The following CEP112 variants were observed in gnomAD, a reference collection of about 807,000 sequenced individuals.
The protein encoded by CEP112 is centrosomal protein of 112 kDa.
CEP112 carries 127 observed loss-of-function variants against 153.0 expected under a neutral mutation model. That is an observed-to-expected ratio of 0.83 (90% confidence interval 0.72 to 0.96). The LOEUF is 0.96. Among genes scored for constraint, CEP112 ranks in the 40% least tolerant of loss-of-function variants. CEP112 has a pLI of 0.00. For synonymous variants in CEP112, 358 were observed against 374.4 expected (o/e 0.96, Z 0.51); for missense variants, 1,089 against 1,101.2 (o/e 0.99, Z 0.16).
intron 3 of CEP112, 21 bp downstream of exon 3, chr17:66,176,809 C>A: frequency 6.4e-7 from 1 of 1,566,410 alleles, no homozygotes; most frequent in Non-Finnish European, 8.6e-7. Context: ...TAATATATAC[C>A]TTTTGTTCAT....
At chr17:65,740,763 A>G (rs1156841512) in intron 23 of CEP112, among the ~76,000 whole-genome samples, 1 of 152,190 alleles carries the variant, frequency 6.6e-6, no homozygotes, top group Non-Finnish European at 1.5e-5. Context: ...CCAGAAAATC[A>G]AGCCTCATAG....
chr17:65,936,809 CCCCTCT>C (rs1233081092), intron 18 of CEP112, among the ~76,000 whole-genome samples: 1 of 94,728 alleles, frequency 1.1e-5, no homozygotes, highest in Non-Finnish European at 2.1e-5. Flanking sequence ...CCTCCCCCTC[CCCCTCT>C]CCCCACGGTC....
intron 6 of CEP112, among the ~76,000 whole-genome samples, chr17:66,129,333 CTG>C (rs2070016122): frequency 1.3e-5 from 2 of 152,260 alleles, no homozygotes; most frequent in African/African-American, 4.8e-5. Flanking sequence ...CCTCTATAAA[CTG>C]TTTTCCGTAA....
chr17:65,657,016 C>T (rs1455290680), intron 24 of CEP112, among the ~76,000 whole-genome samples: 1 of 152,188 alleles, frequency 6.6e-6, no homozygotes, highest in East Asian at 1.9e-4. Flanking sequence ...AGTAGGCTGG[C>T]TTCAAAGCTG....
intron 21 of CEP112, among the ~76,000 whole-genome samples, chr17:65,821,124 AC>A (rs1248097781): frequency 9.6e-4 from 138 of 143,754 alleles, no homozygotes; most frequent in Non-Finnish European, 1.8e-3. Flanking sequence ...AAAAAAAAAA[AC>A]AAAAAATGTT....
chr17:65,916,078 A>G (rs2060468192), intron 19 of CEP112, among the ~76,000 whole-genome samples: 1 of 152,124 alleles, frequency 6.6e-6, no homozygotes, highest in African/African-American at 2.4e-5. Flanking sequence ...CTTAATTTGA[A>G]TATCATTTCA....
chr17:65,820,575 C>T (rs2056481584), intron 21 of CEP112, among the ~76,000 whole-genome samples: 2 of 152,198 alleles, frequency 1.3e-5, no homozygotes, highest in African/African-American at 2.4e-5. Flanking sequence ...TTTACAGCCT[C>T]TCTGTGAAAT....
intron 21 of CEP112, among the ~76,000 whole-genome samples, chr17:65,772,575 TACAC>T (rs34758953): frequency 0.016 from 2,106 of 133,428 alleles, 40 homozygotes; most frequent in African/African-American, 0.054. Flanking sequence ...CTCTATTTAT[TACAC>T]ACACACACAC....
chr17:65,870,898 G>A (rs1293558246), intron 20 of CEP112, among the ~76,000 whole-genome samples: 1 of 152,216 alleles, frequency 6.6e-6, no homozygotes. Context: ...AGTAATTGGA[G>A]AGAAGGTTTT....
intron 23 of CEP112, among the ~76,000 whole-genome samples, chr17:65,692,842 A>G (rs2048176968): frequency 6.6e-6 from 1 of 152,188 alleles, no homozygotes; most frequent in African/African-American, 2.4e-5. Context: ...TACACAGGTG[A>G]CACTGAATTC....
At chr17:66,169,278 TCTTC>T (rs2072136708) in intron 4 of CEP112, among the ~76,000 whole-genome samples, 1 of 137,156 alleles carries the variant, frequency 7.3e-6, no homozygotes, top group South Asian at 2.4e-4. Context: ...ATTTTTAATT[TCTTC>T]TTTTTTTTTT....
At chr17:65,678,703 C>G (rs1449960875) in intron 24 of CEP112, among the ~76,000 whole-genome samples, 3 of 152,156 alleles carry the variant, frequency 2.0e-5, no homozygotes, top group Non-Finnish European at 4.4e-5. Context: ...CGAAGAGCCA[C>G]TTCAACAATG....
intron 17 of CEP112, among the ~76,000 whole-genome samples, chr17:65,980,283 T>C (rs1324631120): frequency 6.6e-6 from 1 of 152,200 alleles, no homozygotes; most frequent in Non-Finnish European, 1.5e-5. Flanking sequence ...GCTTTAACAG[T>C]AACCAGTTTT....
chr17:65,843,377 A>G (rs2057598322), intron 21 of CEP112, among the ~76,000 whole-genome samples: 1 of 152,200 alleles, frequency 6.6e-6, no homozygotes, highest in Non-Finnish European at 1.5e-5. Flanking sequence ...AATCAATTTT[A>G]TAATTCTAAC....
chr17:65,645,788 T>C (rs1458197523), intron 24 of CEP112, among the ~76,000 whole-genome samples: 1 of 152,234 alleles, frequency 6.6e-6, no homozygotes, highest in Non-Finnish European at 1.5e-5. Context: ...CTCCTCTCTT[T>C]TAATCCAGCA....
At chr17:65,856,313 A>G (rs1415189319) in intron 20 of CEP112, among the ~76,000 whole-genome samples, 1 of 152,198 alleles carries the variant, frequency 6.6e-6, no homozygotes, top group Non-Finnish European at 1.5e-5. Context: ...AGAAAAGCTA[A>G]TATTTGTGGA....
intron 23 of CEP112, among the ~76,000 whole-genome samples, chr17:65,728,122 T>A (rs1330179520): frequency 4.6e-5 from 7 of 152,226 alleles, no homozygotes; most frequent in African/African-American, 1.7e-4. Flanking sequence ...TAGCTTCAAC[T>A]AGGACTATAT....
chr17:65,701,159 G>T (rs967441674), intron 23 of CEP112, among the ~76,000 whole-genome samples: 1 of 152,192 alleles, frequency 6.6e-6, no homozygotes, highest in Non-Finnish European at 1.5e-5. Context: ...AAGAGATGGC[G>T]AGAAATGATG....
chr17:65,704,648 T>C (rs1438732937), intron 23 of CEP112, among the ~76,000 whole-genome samples: 2 of 152,168 alleles, frequency 1.3e-5, no homozygotes, highest in Non-Finnish European at 2.9e-5. Context: ...TCCAATAGAA[T>C]AGATGGCTCC....
Sources: gnomAD v4.1 joint callset for allele counts (sites outside exome capture counted in the v4.1 genomes callset) on GRCh38, gnomAD v4.1.1 for gene constraint, MANE v1.5 for transcripts, NCBI Gene and HGNC (gene_info 2026-07-23, HGNC 2026-07-21) for gene names.